TNRC18: variants seen among roughly 807,000 people sequenced by gnomAD.
The protein encoded by TNRC18 is trinucleotide repeat containing 18.
Under a neutral mutation model 226.7 loss-of-function variants are expected in TNRC18, and 69 were observed. The ratio of observed to expected loss-of-function variants is 0.30; its 90% CI spans 0.25 to 0.37. The LOEUF (loss-of-function observed/expected upper bound fraction) is 0.37, where lower values mean the gene tolerates loss of function less well. TNRC18 is among the 10% of genes least tolerant of loss of function. The pLI is 1.00. For synonymous variants in TNRC18, 2,449 were observed against 1,927.6 expected, an observed-to-expected ratio of 1.27 and a Z score of -7.09; for missense variants, 4,754 against 4,256.6, an observed-to-expected ratio of 1.12 and a Z score of -3.25.
chr7:5,338,647 A>C (rs1325510678), intron 18 of TNRC18, among the ~76,000 whole-genome samples: 4 of 148,740 alleles, frequency 2.7e-5, no homozygotes, highest in Admixed American at 6.7e-5. Context: ...AGAGCTCGGC[A>C]CAGTAGCTCA....
At chr7:5,415,369 CTTTTTTTT>C (rs368389351) in intron 2 of TNRC18, among the ~76,000 whole-genome samples, 12 of 83,138 alleles carry the variant, frequency 1.4e-4, no homozygotes, top group African/African-American at 4.1e-4. Flanking sequence ...CTGTGTCCCT[CTTTTTTTT>C]TTTTTTTTTT....
chr7:5,412,649 A>G (rs909150929), intron 2 of TNRC18, among the ~76,000 whole-genome samples: 2 of 152,180 alleles, frequency 1.3e-5, no homozygotes, highest in African/African-American at 4.8e-5. Flanking sequence ...GAACTCATTC[A>G]CTCTAATGAA....
At position 5,345,722 on chromosome 7, in the gene TNRC18, C is replaced by T; in HGVS notation, c.5559G>A (p.Glu1853=). 6.5e-7 allele frequency: 1 copy of T among 1,548,578 alleles called. No homozygotes were observed. The highest frequency in any genetic ancestry group is 8.7e-7 in the Non-Finnish European group (1 of 1,146,828). The change falls in exon 18 of 30, where the codon GAG becomes GAA. Residue 1853 remains glutamate (E), a synonymous_variant. Transcript: ENST00000430969. ...CCTCCAGGCCCGGTGACAGGGCCCG[C>T]TCCCGGGCACCCAGCCTGTAGCCAC... is the stretch of plus-strand genomic sequence containing the variant. The part of the protein sequence containing the change: ...SGGGYRLGAR[E]RALSPGLEES...
At position 5,351,936 on chromosome 7, in the gene TNRC18, G is replaced by T. The variant is rs759589013; in HGVS notation, c.5353C>A (p.Pro1785Thr). 6.2e-7 allele frequency: 1 copy of T among 1,613,798 alleles called. No homozygotes were observed. The highest frequency in any genetic ancestry group is 8.5e-7 in the Non-Finnish European group (1 of 1,179,824). The change falls in exon 17 of 30, where the codon CCC becomes ACC. Residue 1785 changes from proline (P) to threonine (T), a missense_variant. Transcript: ENST00000430969. The stretch of plus-strand genomic sequence containing the variant: ...GCCGGCTTGGGTTTCAGAGTCCGGG[G>T]GGCCGCCAGGCCCCTCTTGGTCAGC... ...PKLTKRGLAA[P>T]RTLKPKPATS...
At chr7:5,351,588 G>C (rs765436640) in intron 17 of TNRC18, among the ~76,000 whole-genome samples, 1 of 152,164 alleles carries the variant, frequency 6.6e-6, no homozygotes, top group African/African-American at 2.4e-5. Context: ...AGAGCCAGCC[G>C]GGGATATTAT....
At chr7:5,362,511 C>G (rs541713579) in intron 12 of TNRC18, 139 bp downstream of exon 12, 8 of 791,108 alleles carry the variant, frequency 1.0e-5, no homozygotes, top group South Asian at 3.9e-5. Context: ...CACAGCACAT[C>G]AGCACAAGGA....
rs1320669468 is a variant in TNRC18, at chr7:5,309,186, C to T, written c.8571G>A (p.Lys2857=). 1 of 1,613,250 alleles carries T rather than the reference C, an allele frequency of 6.2e-7. No homozygotes were observed. Residue 2857 remains lysine, a synonymous_variant, in exon 28 of 30, where the codon AAG becomes AAA. Transcript: ENST00000430969. The surrounding 1 kb of genome is among the most constrained non-coding windows in gnomAD (Gnocchi z 5.7). ...SWGNNMVVRV[K]WFYHPEETSP... ...TGGTCTCCTCGGGGTGGTAGAACCA[C>T]TTGACGCGGACCACCATGTTGTTGC...
intron 17 of TNRC18, among the ~76,000 whole-genome samples, chr7:5,348,149 C>T (rs1791398282): frequency 6.6e-6 from 1 of 152,064 alleles, no homozygotes; most frequent in African/African-American, 2.4e-5. Flanking sequence ...CAAACCAAAA[C>T]CCCCCACCAA....
intron 5 of TNRC18, among the ~76,000 whole-genome samples, chr7:5,383,244 TCTGA>T (rs1409545531): frequency 2.0e-5 from 3 of 152,148 alleles, no homozygotes; most frequent in Non-Finnish European, 4.4e-5. Context: ...GCATGGGGGC[TCTGA>T]CTGCGTGGGG....
chr7:5,307,261 A>G lies in TNRC18; in HGVS notation c.*845T>C, dbSNP rs1456709240. 2 of 148,650 alleles carry G rather than the reference A, an allele frequency of 1.3e-5. No individual in the cohort carries two copies. The highest frequency in any genetic ancestry group is 3.0e-5 in the Non-Finnish European group (2 of 67,296). 9.2% of individuals were successfully genotyped at this position (148,650 alleles called of 1,614,324 possible). The stretch of plus-strand genomic sequence containing the variant: ...TCACAGTTTTAAAAAGTTTATATAT[A>G]TATTTATATATATTTATCTTTATAT... On this transcript the variant is annotated 3_prime_UTR_variant, in exon 30 of 30. Transcript: ENST00000430969.
chr7:5,345,528 C>T, intron 18 of TNRC18, 34 bp downstream of exon 18: 1 of 534,152 alleles, frequency 1.9e-6, no homozygotes, highest in Non-Finnish European at 2.7e-6. Context: ...CCCCTCCCAC[C>T]CACCCCCACC....
At chr7:5,406,472 T>C (rs1781470973) in intron 2 of TNRC18, among the ~76,000 whole-genome samples, 1 of 143,034 alleles carries the variant, frequency 7.0e-6, no homozygotes, top group African/African-American at 2.6e-5. Context: ...AAAAAAAAAT[T>C]TTTTTTTAAT....
chr7:5,345,522 T>TCCCCCCCCCCCCCCCC, intron 18 of TNRC18, 40 bp downstream of exon 18: 2 of 170,136 alleles, frequency 1.2e-5, no homozygotes, highest in Non-Finnish European at 1.1e-5. Context: ...CGTCCGCCCC[T>TCCCCCCCCCCCCCCCC]CCCACCCACC....
At chr7:5,422,927 G>C (rs1347903005) in intron 1 of TNRC18, 2 of 152,194 alleles carry the variant, frequency 1.3e-5, no homozygotes, top group African/African-American at 4.8e-5. Flanking sequence ...TTCTTTAAAA[G>C]CCAGCGCCTC....
chr7:5,399,477 ACGAGGCGGG>A (rs1475854279), intron 2 of TNRC18, among the ~76,000 whole-genome samples: 1 of 149,856 alleles, frequency 6.7e-6, no homozygotes, highest in African/African-American at 2.5e-5. Flanking sequence ...CTTTGGGAGG[ACGAGGCGGG>A]CAGATCACTT....
At chr7:5,420,866 G>C in intron 2 of TNRC18, 194 bp downstream of exon 2, 1 of 761,460 alleles carries the variant, frequency 1.3e-6, no homozygotes. Context: ...AAAGGTAGCC[G>C]AGCCGCGCGA....
In TNRC18 at chr7:5,390,532, C is replaced by G; in HGVS notation, c.440G>C (p.Gly147Ala). 6.2e-7 allele frequency: 1 copy of G among 1,613,578 alleles called. No individual in the cohort carries two copies. ...CTGGGTATCGAAAATGCTGGGCTGA[C>G]CCAGCTGGCTGAGGAGGGGGCTCCC... ...SSGSPLLSQL[G>A]QPSIFDTQKG... Residue 147 changes from glycine (G) to alanine (A), a missense_variant, in exon 4 of 30, where the codon GGT (glycine) becomes GCT (alanine). Gly to Ala is a moderately conservative substitution (Grantham distance 60). Coordinates refer to ENST00000430969, the MANE Select transcript of TNRC18 (RefSeq NM_001080495.3).
chr7:5,374,008 C>T (rs200789031), intron 10 of TNRC18, 47 bp downstream of exon 10: 75 of 1,393,802 alleles, frequency 5.4e-5, no homozygotes, highest in South Asian at 2.7e-4. Context: ...GCAGTTTTAC[C>T]GCTCCAGGGG....
At chr7:5,376,251 A>C (rs1794664217) in intron 8 of TNRC18, 27 bp from the exon 9 acceptor site, 1 of 1,441,270 alleles carries the variant, frequency 6.9e-7, no homozygotes, top group Non-Finnish European at 9.1e-7. Flanking sequence ...AGTGCGCTGC[A>C]CCTGCGGCCT....
Sources: gnomAD v4.1 joint callset for allele counts (sites outside exome capture counted in the v4.1 genomes callset) on GRCh38, gnomAD v4.1.1 for gene constraint, Gnocchi (gnomAD v3.1) non-coding constraint, MANE v1.5 for transcripts, NCBI Gene and HGNC (gene_info 2026-07-23, HGNC 2026-07-21) for gene names.